The following TRIM38 variants were observed in gnomAD, a reference collection of about 807,000 sequenced individuals.
TRIM38 encodes tripartite motif containing 38, also known as E3 ubiquitin-protein ligase TRIM38.
In TRIM38, 35 loss-of-function variants were observed where a neutral mutation model predicts 35.8. That is an observed-to-expected ratio of 0.98 (90% confidence interval 0.75 to 1.30). TRIM38 has a LOEUF of 1.30. Among genes scored for constraint, TRIM38 ranks in the 50% most tolerant of loss-of-function variants. The probability of loss-of-function intolerance (pLI) is 0.00; values close to 1 mark genes in which losing one functional copy is unlikely to be tolerated. For missense variants in TRIM38, 545 were observed against 556.9 expected (o/e 0.98, Z 0.21); for synonymous variants, 198 against 204.7 (o/e 0.97, Z 0.28).
rs1332050725 is a variant in TRIM38, at chr6:25,984,049, T to A, written c.*362T>A. ...GTTTGTTTGCTGCCATTTGAACTCA[T>A]GTAGGGAATGAAAGAAAGCTGCAAT... is the stretch of plus-strand genomic sequence containing the variant. On this transcript the variant is annotated 3_prime_UTR_variant, in exon 8 of 8. Coordinates refer to ENST00000357085, the MANE Select transcript of TRIM38 (RefSeq NM_006355.5). 3 of 175,306 alleles carry A rather than the reference T, an allele frequency of 1.7e-5. No homozygotes were observed. Among genetic ancestry groups the A allele is most frequent in the African/African-American group, 7.1e-5 (3 of 42,262 alleles). The allele number at this position is 175,306 out of a possible 1,614,324, so 10.9% of individuals were successfully genotyped here. A position where few individuals can be genotyped will look rare whatever the true frequency, so the allele number is the denominator to read the frequency against.
chr6:25,963,497 T>C (rs1759916828), intron 2 of TRIM38, among the ~76,000 whole-genome samples: 2 of 152,178 alleles, frequency 1.3e-5, no homozygotes, highest in South Asian at 4.1e-4. Context: ...GCCTCCCCCA[T>C]CTTCTTTCTG....
chr6:25,980,029 AC>A (rs1422425737), intron 7 of TRIM38, among the ~76,000 whole-genome samples: 1 of 152,162 alleles, frequency 6.6e-6, no homozygotes, highest in African/African-American at 2.4e-5. Context: ...TCTGTGTAAT[AC>A]AGATTTATTG....
chr6:25,967,552 C>G (rs1190400444), intron 3 of TRIM38, among the ~76,000 whole-genome samples: 2 of 13,456 alleles, frequency 1.5e-4, no homozygotes, highest in East Asian at 2.6e-3. Context: ...TTTTTTTTTC[C>G]TGAGGTAGGG....
In TRIM38 at chr6:25,963,301, C is replaced by A. The variant is rs1435022287; in HGVS notation, c.-189+19C>A. 1 of 137,790 alleles carries A rather than the reference C, an allele frequency of 7.3e-6. No homozygotes were observed. Among genetic ancestry groups the A allele is most frequent in the Non-Finnish European group, 1.5e-5 (1 of 65,844 alleles). 8.5% of individuals were successfully genotyped at this position (137,790 alleles called of 1,614,324 possible). ...CTACCCGGTAATTGTAGTTAAATTA[C>A]TGTTTTTTATTCTAGGCACTCTTCA... On this transcript the variant is annotated intron_variant, in intron 2 of 7. Coordinates refer to ENST00000357085, the MANE Select transcript of TRIM38 (RefSeq NM_006355.5).
chr6:25,974,263 GC>G (rs1012267214), intron 7 of TRIM38, among the ~76,000 whole-genome samples: 9 of 152,108 alleles, frequency 5.9e-5, no homozygotes, highest in Admixed American at 5.9e-4. Context: ...CAGGACTTTG[GC>G]CCTGGTTATT....
Position 25,973,086 on chromosome 6 carries a change from G to C in TRIM38, c.761+10G>C, listed in dbSNP as rs954140931. On this transcript the variant is annotated intron_variant, in intron 6 of 7. Coordinates refer to ENST00000357085, the MANE Select transcript of TRIM38 (RefSeq NM_006355.5). ...ATGACACTTTGAGCAGGTAAGTCCT[G>C]TTTGAATGCAGGAGGGGAGGGGTGT... 3.1e-6 allele frequency: 5 copies of C among 1,614,050 alleles called. No individual in the cohort carries two copies. The African/African-American group carries it at 4.0e-5, about 13-fold the overall frequency.
At chr6:25,978,296 T>G (rs1223660667) in intron 7 of TRIM38, among the ~76,000 whole-genome samples, 1 of 151,710 alleles carries the variant, frequency 6.6e-6, no homozygotes, top group African/African-American at 2.4e-5. Context: ...CCACCACATC[T>G]GGCTGATGTT....
intron 2 of TRIM38, 126 bp from the exon 3 acceptor site, chr6:25,966,209 C>T (rs1417292739): frequency 7.6e-6 from 2 of 264,424 alleles, no homozygotes; most frequent in Non-Finnish European, 1.4e-5. Context: ...TGCTTTAAAA[C>T]TGCTTTTTTT....
chr6:25,973,563 A>T, intron 7 of TRIM38: 1 of 975,258 alleles, frequency 1.0e-6, no homozygotes, highest in Non-Finnish European at 1.2e-6. Context: ...AAAAATGAAA[A>T]TATTAACAGC....
intron 7 of TRIM38, among the ~76,000 whole-genome samples, chr6:25,976,317 G>A (rs1361183466): frequency 6.6e-6 from 1 of 152,136 alleles, no homozygotes; most frequent in African/African-American, 2.4e-5. Flanking sequence ...ACCCAGGCTG[G>A]AGTGCAATGG....
chr6:25,966,823 C>T lies in TRIM38; in HGVS notation c.301C>T (p.His101Tyr), dbSNP rs1375016750. The T allele has an allele frequency of 1.9e-6, 3 of 1,614,058 alleles. No individual in the cohort carries two copies. The highest frequency in any genetic ancestry group is 4.5e-5 in the East Asian group (2 of 44,886). Residue 101 changes from histidine (H) to tyrosine (Y), a missense_variant, in exon 3 of 8, where the codon CAC (histidine) becomes TAC (tyrosine). His to Tyr is a moderately conservative substitution (Grantham distance 83). Transcript: ENST00000357085. ...ATGTGAGGAACACGGAGAGCAGTTCCACCTGTTCTGCGAAGACGAGGGGCA... is the reference window on the plus strand; with the variant it reads ...ATGTGAGGAACACGGAGAGCAGTTCTACCTGTTCTGCGAAGACGAGGGGCA... ...MSCEEHGEQFHLFCEDEGQLI... is the reference protein window; with the variant it reads ...MSCEEHGEQFYLFCEDEGQLI...
chr6:25,975,220 AT>A (rs969379782), intron 7 of TRIM38: 289 of 832,296 alleles, frequency 3.5e-4, no homozygotes, highest in Non-Finnish European at 3.8e-4. Context: ...CTTTTTTCAA[AT>A]TTTTTTTTGA....
chr6:25,973,927 A>C (rs1212948922), intron 7 of TRIM38: 2 of 953,002 alleles, frequency 2.1e-6, no homozygotes, highest in East Asian at 2.3e-4. Flanking sequence ...CAAAATCAAA[A>C]AAACCCCTGA....
rs1259308684 is a variant in TRIM38 at position 25,988,492 on chromosome 6, C to CTTTTTTTTTTTTTTTTTT, written c.*4808_*4809insTTTTTTTTTTTTTTTTTT. ...TCTTTTTCTTTTTCTTTTTTCTTTT[C>CTTTTTTTTTTTTTTTTTT]TTTCTTTTTTTTTTTTTTTTTGAGA... On this transcript the variant is annotated 3_prime_UTR_variant, in exon 8 of 8. Coordinates refer to ENST00000357085, the MANE Select transcript of TRIM38 (RefSeq NM_006355.5). 1.3e-4 allele frequency: 4 copies of CTTTTTTTTTTTTTTTTTT among 30,140 alleles called. No homozygotes were observed. Among genetic ancestry groups the CTTTTTTTTTTTTTTTTTT allele is most frequent in the East Asian group, 1.7e-3 (1 of 572 alleles). The allele number at this position is 30,140 out of a possible 1,614,324, so 1.9% of individuals were successfully genotyped here.
At position 25,966,849 on chromosome 6, in the gene TRIM38, G is replaced by A; in HGVS notation, c.327G>A (p.Gln109=). 1.2e-6 allele frequency: 2 copies of A among 1,614,210 alleles called. No individual in the cohort carries two copies. Among genetic ancestry groups the A allele is most frequent in the Non-Finnish European group, 1.7e-6 (2 of 1,180,030 alleles). ...QFHLFCEDEG[Q]LICWRCERAP... is the part of the protein sequence containing the mutation. ...ACCTGTTCTGCGAAGACGAGGGGCA[G>A]CTCATCTGCTGGCGCTGTGAGCGGG... Residue 109 remains glutamine (Q), a synonymous_variant, in exon 3 of 8, where the codon CAG becomes CAA. Transcript: ENST00000357085.
chr6:25,989,507 ATTCTTT>A lies in TRIM38; in HGVS notation c.*5823_*5828del, dbSNP rs887240709. 9.1e-6 allele frequency: 1 copy of A among 109,938 alleles called. No homozygotes were observed. Among genetic ancestry groups the A allele is most frequent in the East Asian group, 2.9e-4 (1 of 3,438 alleles). 6.8% of individuals were successfully genotyped at this position (109,938 alleles called of 1,614,324 possible). A position where few individuals can be genotyped will look rare whatever the true frequency, so the allele number is the denominator to read the frequency against. On this transcript the variant is annotated 3_prime_UTR_variant, in exon 8 of 8. Transcript: ENST00000357085. Reference sequence around the variant, plus strand: ...TTTGCTATTGTTAGCAAGGTCTTGTATTCTTTTTTTTTTTTTTTTTTTTTTTTAATA... The same window carrying A: ...TTTGCTATTGTTAGCAAGGTCTTGTATTTTTTTTTTTTTTTTTTTTTAATA...
At position 25,983,542 on chromosome 6, in the gene TRIM38, A is replaced by G. The variant is rs1760627604; in HGVS notation, c.1253A>G (p.Tyr418Cys). The G allele has an allele frequency of 1.2e-6, 2 of 1,614,028 alleles. No individual in the cohort carries two copies. Among genetic ancestry groups the G allele is most frequent in the South Asian group, 2.2e-5 (2 of 91,088 alleles). Reference sequence around the variant, plus strand: ...CTGCTTGTGGGAATTTTTCTGGACTATGAGGCCGGAGTTGTATCCTTTTAT... The same window carrying G: ...CTGCTTGTGGGAATTTTTCTGGACTGTGAGGCCGGAGTTGTATCCTTTTAT... Reference protein sequence around the residue: ...QPLLVGIFLDYEAGVVSFYNG... With the variant: ...QPLLVGIFLDCEAGVVSFYNG... Residue 418 changes from tyrosine to cysteine, a missense_variant, in exon 8 of 8, where the codon TAT (tyrosine) becomes TGT (cysteine). By Grantham distance (194) the Tyr-to-Cys change is radical. Transcript: ENST00000357085.
At chr6:25,981,479 T>C (rs1760542362) in intron 7 of TRIM38, among the ~76,000 whole-genome samples, 1 of 152,242 alleles carries the variant, frequency 6.6e-6, no homozygotes, top group Non-Finnish European at 1.5e-5. Context: ...CAGTGGTTTC[T>C]TAACTCTCTT....
intron 4 of TRIM38, among the ~76,000 whole-genome samples, chr6:25,970,012 G>T (rs1214303094): frequency 1.3e-5 from 2 of 152,068 alleles, no homozygotes; most frequent in African/African-American, 4.8e-5. Context: ...CCACCTCCCG[G>T]GTTCAAGCAA....
Sources: allele counts gnomAD v4.1 joint callset (sites outside exome capture counted in the v4.1 genomes callset), GRCh38; gene constraint gnomAD v4.1.1; transcripts MANE v1.5; gene names NCBI Gene and HGNC (gene_info 2026-07-23, HGNC 2026-07-21).